The following GABRB1 variants were observed in gnomAD, a reference collection of about 807,000 sequenced individuals.
GABRB1 encodes the protein gamma-aminobutyric acid type A receptor subunit beta1, also known as gamma-aminobutyric acid receptor subunit beta-1.
GABRB1 carries 17 observed loss-of-function variants against 51.6 expected under a neutral mutation model. The observed-to-expected ratio is 0.33, with a 90% CI of 0.23 to 0.49. The LOEUF (loss-of-function observed/expected upper bound fraction) is 0.49. Among genes scored for constraint, GABRB1 ranks in the 20% least tolerant of loss-of-function variants. The pLI is 0.99. For missense variants in GABRB1, 410 were observed against 600.6 expected (o/e 0.68, Z 3.32); for synonymous variants, 247 against 218.9 (o/e 1.13, Z -1.14).
intron 4 of GABRB1, among the ~76,000 whole-genome samples, chr4:47,295,607 G>A (rs1723951137): frequency 6.6e-6 from 1 of 152,194 alleles, no homozygotes; most frequent in African/African-American, 2.4e-5. Flanking sequence ...ATGGGACTAT[G>A]AGAAAAGACC....
intron 5 of GABRB1, among the ~76,000 whole-genome samples, chr4:47,361,890 A>G (rs1239852287): frequency 6.6e-6 from 1 of 152,116 alleles, no homozygotes; most frequent in Non-Finnish European, 1.5e-5. Flanking sequence ...CAGTGAGGCT[A>G]TGGACCTGGA....
intron 4 of GABRB1, among the ~76,000 whole-genome samples, chr4:47,166,430 A>G (rs920246839): frequency 1.3e-5 from 2 of 152,050 alleles, no homozygotes; most frequent in African/African-American, 2.4e-5. Flanking sequence ...GAAGACCTTA[A>G]TGATGATCCA....
At chr4:47,312,760 G>A (rs998266007) in intron 4 of GABRB1, among the ~76,000 whole-genome samples, 8 of 152,090 alleles carry the variant, frequency 5.3e-5, no homozygotes, top group African/African-American at 1.7e-4. Flanking sequence ...CATGATTATA[G>A]GAAAACCTCA....
chr4:47,325,370 G>A (rs1057148579), intron 5 of GABRB1, among the ~76,000 whole-genome samples: 1 of 151,830 alleles, frequency 6.6e-6, no homozygotes, highest in African/African-American at 2.4e-5. Context: ...GGGAGGCAGA[G>A]GTTGCAGTGA....
chr4:47,032,013 T>A lies in GABRB1; in HGVS notation c.172+8T>A. 1 of 1,604,580 alleles carries A rather than the reference T, an allele frequency of 6.2e-7. No homozygotes were observed. Among genetic ancestry groups the A allele is most frequent in the Non-Finnish European group, 8.5e-7 (1 of 1,172,252 alleles). The stretch of plus-strand genomic sequence containing the variant: ...TGCGGCCGGACTTCGGAGGTAACGC[T>A]TCATCTTTTTTCAACCTGTAACCCA... On this transcript the variant is annotated splice_region_variant and intron_variant, in intron 2 of 8. Coordinates refer to ENST00000295454, the MANE Select transcript of GABRB1 (RefSeq NM_000812.4).
intron 8 of GABRB1, among the ~76,000 whole-genome samples, chr4:47,423,172 A>G (rs1207557964): frequency 6.6e-6 from 1 of 152,162 alleles, no homozygotes; most frequent in Non-Finnish European, 1.5e-5. Context: ...TCAGATCTGG[A>G]CACAGATATG....
intron 4 of GABRB1, among the ~76,000 whole-genome samples, chr4:47,243,477 C>A (rs933206107): frequency 3.3e-5 from 5 of 152,174 alleles, no homozygotes; most frequent in African/African-American, 1.2e-4. Context: ...TTACCTTGGG[C>A]AGTATGGCCA....
At chr4:47,201,830 A>G (rs1719908149) in intron 4 of GABRB1, among the ~76,000 whole-genome samples, 2 of 152,186 alleles carry the variant, frequency 1.3e-5, no homozygotes, top group Admixed American at 1.3e-4. Flanking sequence ...ACTAGCATGT[A>G]ATAAGATGTC....
chr4:47,407,220 G>A (rs545004906), intron 8 of GABRB1, among the ~76,000 whole-genome samples: 1 of 152,278 alleles, frequency 6.6e-6, no homozygotes, highest in East Asian at 1.9e-4. Context: ...AAATAAATGA[G>A]AGAACTAAAG....
intron 5 of GABRB1, among the ~76,000 whole-genome samples, chr4:47,365,313 T>A (rs1269491974): frequency 6.6e-6 from 1 of 152,202 alleles, no homozygotes; most frequent in African/African-American, 2.4e-5. Flanking sequence ...GTTTCACTTT[T>A]TTGTTTGTTT....
rs1021642190 is a variant in GABRB1 at position 47,168,912 on chromosome 4, C to T, written c.461+7443C>T. 2.0e-5 allele frequency among the ~76,000 whole-genome samples: 3 copies of T among 151,980 alleles called. No individual in the cohort carries two copies. In the South Asian group the frequency reaches 6.2e-4, roughly 32 times the overall value. On this transcript the variant is annotated intron_variant, in intron 4 of 8. Coordinates refer to ENST00000295454, the MANE Select transcript of GABRB1 (RefSeq NM_000812.4). ...TTTTGGTGCATAAATAGCCATCTTC[C>T]CCCTGTGTCTCCACATAATCTTCCC...
chr4:47,261,307 C>T (rs1722427612), intron 4 of GABRB1, among the ~76,000 whole-genome samples: 1 of 152,202 alleles, frequency 6.6e-6, no homozygotes, highest in Admixed American at 6.5e-5. Flanking sequence ...CCCACTGTCT[C>T]AGCCCAAAAT....
chr4:47,411,528 T>C (rs1560374865), intron 8 of GABRB1, among the ~76,000 whole-genome samples: 1 of 152,164 alleles, frequency 6.6e-6, no homozygotes, highest in Non-Finnish European at 1.5e-5. Context: ...GTATGACTGA[T>C]TATAAAGAAC....
intron 4 of GABRB1, among the ~76,000 whole-genome samples, chr4:47,220,535 G>C (rs1366371961): frequency 6.6e-6 from 1 of 151,836 alleles, no homozygotes; most frequent in African/African-American, 2.4e-5. Context: ...AATTTCTAAT[G>C]CCTATCTTTT....
At chr4:47,400,758 A>G (rs766448984) in intron 5 of GABRB1, among the ~76,000 whole-genome samples, 4 of 152,066 alleles carry the variant, frequency 2.6e-5, no homozygotes, top group Non-Finnish European at 4.4e-5. Context: ...AACATTCCTT[A>G]TACCACTGTG....
At position 47,426,236 on chromosome 4, in the gene GABRB1, T is replaced by C. The variant is rs1394139051; in HGVS notation, c.*218T>C. The C allele has an allele frequency of 1.0e-5, 4 of 398,024 alleles. No individual in the cohort carries two copies. Among genetic ancestry groups the C allele is most frequent in the African/African-American group, 2.1e-5 (1 of 48,544 alleles). 24.7% of individuals were successfully genotyped at this position (398,024 alleles called of 1,614,324 possible). A position where few individuals can be genotyped will look rare whatever the true frequency, so the allele number is the denominator to read the frequency against. On this transcript the variant is annotated 3_prime_UTR_variant, in exon 9 of 9. Transcript: ENST00000295454. The stretch of plus-strand genomic sequence containing the variant: ...TTCCAGTCTACCGTGGTCCAGGTTA[T>C]CAGCTCTTTAAGAGCTCTATTAATT...
chr4:47,056,841 C>T (rs919583206), intron 3 of GABRB1, among the ~76,000 whole-genome samples: 2 of 152,204 alleles, frequency 1.3e-5, no homozygotes, highest in African/African-American at 4.8e-5. Context: ...GCAGCAGTGG[C>T]TCACGCCTGT....
chr4:47,384,422 A>C (rs1205243768), intron 5 of GABRB1, among the ~76,000 whole-genome samples: 1 of 151,974 alleles, frequency 6.6e-6, no homozygotes, highest in East Asian at 1.9e-4. Flanking sequence ...AAAATAAAAA[A>C]AAAAAAAGGA....
At position 47,181,155 on chromosome 4, in the gene GABRB1, C is replaced by G. The variant is rs142982493; in HGVS notation, c.461+19686C>G. 6.8e-3 allele frequency among the ~76,000 whole-genome samples: 1,038 copies of G among 152,068 alleles called. 7 individuals carry two copies. Among genetic ancestry groups the G allele is most frequent in the Middle Eastern group, 0.034 (10 of 294 alleles). ...CTATACTTTCCTTTTATAGCTCCTA[C>G]TAGTCTTATGTTGGAGCTTCTGGAT... On this transcript the variant is annotated intron_variant, in intron 4 of 8. Coordinates refer to ENST00000295454, the MANE Select transcript of GABRB1 (RefSeq NM_000812.4).
Sources: allele counts gnomAD v4.1 joint callset (sites outside exome capture counted in the v4.1 genomes callset), GRCh38; gene constraint gnomAD v4.1.1; transcripts MANE v1.5; gene names NCBI Gene and HGNC (gene_info 2026-07-23, HGNC 2026-07-21).